The following COL11A1 variants were observed in gnomAD, a reference collection of about 807,000 sequenced individuals.
The protein encoded by COL11A1 is collagen type XI alpha 1 chain.
Under a neutral mutation model 265.2 loss-of-function variants are expected in COL11A1, and 74 were observed. The observed-to-expected ratio is 0.28, with a 90% CI of 0.23 to 0.34. The LOEUF (loss-of-function observed/expected upper bound fraction) is 0.34, where lower values mean the gene tolerates loss of function less well. COL11A1 is among the 10% of genes least tolerant of loss of function. The probability of loss-of-function intolerance (pLI) is 1.00; values close to 1 mark genes in which losing one functional copy is unlikely to be tolerated. For synonymous variants in COL11A1, 816 were observed against 727.6 expected, an observed-to-expected ratio of 1.12 and a Z score of -1.96; for missense variants, 2,165 against 2,263.6, an observed-to-expected ratio of 0.96 and a Z score of 0.88.
chr1:102,907,927 G>T (rs905247039), intron 54 of COL11A1, among the ~76,000 whole-genome samples: 1 of 152,004 alleles, frequency 6.6e-6, no homozygotes, highest in Non-Finnish European at 1.5e-5. Flanking sequence ...GCTTAGAAAT[G>T]GAATTACCAG....
chr1:103,088,538 A>C (rs530792823), intron 1 of COL11A1, among the ~76,000 whole-genome samples: 1 of 152,308 alleles, frequency 6.6e-6, no homozygotes, highest in Non-Finnish European at 1.5e-5. Flanking sequence ...ACACATGAAA[A>C]CTATATGAAA....
At chr1:102,991,094 T>C (rs1293703551) in intron 28 of COL11A1, among the ~76,000 whole-genome samples, 3 of 151,986 alleles carry the variant, frequency 2.0e-5, no homozygotes, top group Non-Finnish European at 2.9e-5. Context: ...GTTATTTTGG[T>C]ACAGATGAAG....
At chr1:102,945,500 A>G (rs1452361484) in intron 42 of COL11A1, among the ~76,000 whole-genome samples, 1 of 152,224 alleles carries the variant, frequency 6.6e-6, no homozygotes, top group African/African-American at 2.4e-5. Flanking sequence ...ATCAGAGAAA[A>G]TGCATAGACA....
intron 4 of COL11A1, among the ~76,000 whole-genome samples, chr1:103,056,790 A>G (rs1670285365): frequency 6.6e-6 from 1 of 152,148 alleles, no homozygotes; most frequent in Non-Finnish European, 1.5e-5. Context: ...CAGTACATAT[A>G]AAAGTTATGT....
intron 65 of COL11A1, among the ~76,000 whole-genome samples, chr1:102,881,042 T>C (rs888455190): frequency 1.3e-5 from 2 of 152,002 alleles, no homozygotes; most frequent in African/African-American, 4.8e-5. Context: ...TAAATAATCA[T>C]AAATGGAAAA....
intron 41 of COL11A1, among the ~76,000 whole-genome samples, chr1:102,951,826 AG>A (rs1659918981): frequency 6.6e-6 from 1 of 152,148 alleles, no homozygotes; most frequent in African/African-American, 2.4e-5. Context: ...TCAAATTTGC[AG>A]GAAAATTGCT....
chr1:102,922,521 C>G (rs868518802), intron 47 of COL11A1, among the ~76,000 whole-genome samples: 11 of 151,958 alleles, frequency 7.2e-5, no homozygotes, highest in Admixed American at 7.2e-4. Flanking sequence ...CTCAGCCTCC[C>G]GAGTAGCTGG....
At chr1:103,009,454 G>A (rs1665923669) in intron 14 of COL11A1, among the ~76,000 whole-genome samples, 1 of 151,942 alleles carries the variant, frequency 6.6e-6, no homozygotes, top group Admixed American at 6.6e-5. Flanking sequence ...TGTAAAAGGT[G>A]TAACAACAAC....
At chr1:102,930,516 G>A (rs1657275148) in intron 46 of COL11A1, among the ~76,000 whole-genome samples, 1 of 151,938 alleles carries the variant, frequency 6.6e-6, no homozygotes, top group South Asian at 2.1e-4. Context: ...GAGGATTTTT[G>A]CATCAATGTT....
intron 4 of COL11A1, among the ~76,000 whole-genome samples, chr1:103,065,248 C>T (rs1007804645): frequency 3.9e-5 from 6 of 152,070 alleles, no homozygotes; most frequent in Non-Finnish European, 5.9e-5. Context: ...TGGCCGGGCA[C>T]GGTGGCTCAC....
At chr1:103,042,718 A>G (rs1367403528) in intron 4 of COL11A1, among the ~76,000 whole-genome samples, 2 of 151,992 alleles carry the variant, frequency 1.3e-5, no homozygotes, top group African/African-American at 4.8e-5. Flanking sequence ...TGAGCACTGT[A>G]TCAGTATTTA....
intron 42 of COL11A1, among the ~76,000 whole-genome samples, chr1:102,941,207 G>A (rs564452210): frequency 6.6e-6 from 1 of 151,960 alleles, no homozygotes; most frequent in South Asian, 2.1e-4. Flanking sequence ...AAATGACTTA[G>A]TTTTAGACAT....
chr1:102,928,383 G>T (rs1656906954), intron 46 of COL11A1, among the ~76,000 whole-genome samples: 1 of 151,296 alleles, frequency 6.6e-6, no homozygotes, highest in African/African-American at 2.4e-5. Flanking sequence ...AGTTTACTGA[G>T]AATGATGATT....
intron 4 of COL11A1, among the ~76,000 whole-genome samples, chr1:103,038,120 T>C (rs1571116730): frequency 6.6e-6 from 1 of 152,114 alleles, no homozygotes; most frequent in African/African-American, 2.4e-5. Context: ...GCATTAAACA[T>C]AAAAAGCATC....
intron 41 of COL11A1, among the ~76,000 whole-genome samples, chr1:102,959,021 T>C (rs1013323381): frequency 1.3e-5 from 2 of 152,202 alleles, no homozygotes; most frequent in Admixed American, 1.3e-4. Flanking sequence ...CCGTGTTTGC[T>C]ACATCTGCAA....
At chr1:103,094,595 C>G (rs970261895) in intron 1 of COL11A1, among the ~76,000 whole-genome samples, 1 of 151,944 alleles carries the variant, frequency 6.6e-6, no homozygotes, top group East Asian at 1.9e-4. Flanking sequence ...CCCTTGTCTT[C>G]CTCCTCCTCC....
intron 66 of COL11A1, among the ~76,000 whole-genome samples, chr1:102,879,307 TATAA>T (rs1414471277): frequency 2.0e-5 from 3 of 152,196 alleles, no homozygotes; most frequent in African/African-American, 7.2e-5. Context: ...TTATAAATGG[TATAA>T]TGGTGATTCC....
rs1211295020 is a variant in COL11A1, at chr1:103,074,651, A to C, written c.618T>G (p.Phe206Leu). 1.2e-6 allele frequency: 2 copies of C among 1,612,978 alleles called. No homozygotes were observed. Among genetic ancestry groups the C allele is most frequent in the Non-Finnish European group, 1.7e-6 (2 of 1,179,358 alleles). The change falls in exon 4 of 67, where the codon TTT becomes TTG. Residue 206 changes from phenylalanine (F) to leucine (L), a missense_variant. Phe to Leu is a conservative substitution (Grantham distance 22, BLOSUM62 0). Transcript: ENST00000370096. ...CTTCTTCATCCAAAATCCTTGTTCC[A>C]AAAACCGTGATTCCATTGGTATCAA... Reference protein sequence around the residue: ...AIVDTNGITVFGTRILDEEVF... With the variant: ...AIVDTNGITVLGTRILDEEVF...
chr1:102,904,159 T>A (rs935896911), intron 54 of COL11A1, among the ~76,000 whole-genome samples: 6 of 152,022 alleles, frequency 3.9e-5, no homozygotes, highest in African/African-American at 7.2e-5. Context: ...TTGTATAAGG[T>A]GTAAGGAAGG....
Sources: allele counts gnomAD v4.1 joint callset (sites outside exome capture counted in the v4.1 genomes callset), GRCh38; gene constraint gnomAD v4.1.1; transcripts MANE v1.5; gene names NCBI Gene and HGNC (gene_info 2026-07-23, HGNC 2026-07-21).